BID: variants seen among roughly 807,000 people sequenced by gnomAD.
BID encodes the protein BH3 interacting domain death agonist, also known as BH3-interacting domain death agonist.
In BID, 19 loss-of-function variants were observed where a neutral mutation model predicts 17.4. That is an observed-to-expected ratio of 1.09 (90% CI 0.76 to 1.60). The LOEUF is 1.60. Ranked by LOEUF, BID falls within the 40% of genes most tolerant of loss-of-function variation. The probability of loss-of-function intolerance (pLI) is 0.00; values close to 1 mark genes in which losing one functional copy is unlikely to be tolerated. For synonymous variants in BID, 108 were observed against 102.8 expected, an observed-to-expected ratio of 1.05 and a Z score of -0.31; for missense variants, 226 against 256.0, an observed-to-expected ratio of 0.88 and a Z score of 0.80.
At chr22:17,763,824 G>A (rs974157721) in intron 1 of BID, among the ~76,000 whole-genome samples, 1 of 150,872 alleles carries the variant, frequency 6.6e-6, no homozygotes, top group Non-Finnish European at 1.5e-5. Flanking sequence ...TCAGATGTCA[G>A]TTATGGAAAC....
chr22:17,772,538 C>T (rs1261926821), intron 1 of BID, among the ~76,000 whole-genome samples: 1 of 152,216 alleles, frequency 6.6e-6, no homozygotes, highest in Non-Finnish European at 1.5e-5. Flanking sequence ...TCCTCGGTCA[C>T]GTCGAGGACC....
intron 1 of BID, among the ~76,000 whole-genome samples, chr22:17,751,912 G>A (rs1217311311): frequency 6.6e-6 from 1 of 152,186 alleles, no homozygotes; most frequent in Non-Finnish European, 1.5e-5. Context: ...GCGCAAGACA[G>A]ACCCCACCCC....
intron 1 of BID, among the ~76,000 whole-genome samples, chr22:17,757,645 C>G (rs1361052693): frequency 6.7e-6 from 1 of 148,388 alleles, no homozygotes; most frequent in African/African-American, 2.5e-5. Context: ...GGAGGCGGAG[C>G]TTGCAGTGAG....
intron 1 of BID, among the ~76,000 whole-genome samples, chr22:17,760,398 G>T (rs1002989071): frequency 1.7e-4 from 24 of 145,078 alleles, no homozygotes; most frequent in Non-Finnish European, 3.4e-4. Context: ...GTTGCAGTGA[G>T]GTGAGATCGC....
intron 3 of BID, chr22:17,740,128 G>C: frequency 6.2e-7 from 1 of 1,612,080 alleles, no homozygotes; most frequent in Non-Finnish European, 8.5e-7. Flanking sequence ...CACGCTCCCT[G>C]CCGCCTCCGT....
In BID at chr22:17,773,476, G is replaced by A; in HGVS notation, c.-59+905C>T. On this transcript the variant is annotated intron_variant, in intron 1 of 5. Coordinates refer to ENST00000622694, the MANE Select transcript of BID (RefSeq NM_001196.4). The surrounding 1 kb of genome is among the most constrained non-coding windows in gnomAD (Gnocchi z 4.4). ...AGCGAGGACTGAGGGTGTGGATAAG[G>A]CTCCAGGAAGGGGGTGCAAGCCTGA... is the stretch of plus-strand genomic sequence containing the variant. The A allele has an allele frequency of 1.1e-6, 1 of 893,474 alleles. No individual in the cohort carries two copies. The highest frequency in any genetic ancestry group is 2.0e-5 in the Admixed American group (1 of 49,326). The allele number at this position is 893,474 out of a possible 1,614,324, so 55.3% of individuals were successfully genotyped here.
chr22:17,751,034 G>GAA (rs745435533), intron 1 of BID, among the ~76,000 whole-genome samples: 2 of 142,320 alleles, frequency 1.4e-5, no homozygotes, highest in African/African-American at 5.1e-5. Flanking sequence ...ACCCTGTCTC[G>GAA]AAAAAAAAAA....
At position 17,759,246 on chromosome 22, in the gene BID, C is replaced by CAA. The variant is rs61124020; in HGVS notation, c.-58-9074_-58-9073dup. 2.8e-3 allele frequency among the ~76,000 whole-genome samples: 324 copies of CAA among 114,770 alleles called. 3 individuals are homozygous for CAA. Among genetic ancestry groups the CAA allele is most frequent in the East Asian group, 6.8e-3 (31 of 4,534 alleles). 75.3% of individuals were successfully genotyped at this position (114,770 alleles called of 152,430 possible). On this transcript the variant is annotated intron_variant, in intron 1 of 5. Transcript: ENST00000622694. ...CTCCGTCTCAAAACAAAAAACAAAA[C>CAA]AAAAAAAAAAAAACAAAAGAACCAG...
intron 1 of BID, among the ~76,000 whole-genome samples, chr22:17,753,123 C>T (rs951709660): frequency 7.3e-5 from 11 of 150,692 alleles, no homozygotes; most frequent in Non-Finnish European, 1.5e-4. Context: ...CCCACCACCA[C>T]GCCTGGCTAA....
chr22:17,756,465 T>G (rs28603073), intron 1 of BID, among the ~76,000 whole-genome samples: 1 of 102,266 alleles, frequency 9.8e-6, no homozygotes, highest in Non-Finnish European at 2.3e-5. Context: ...CTTTCTTTCT[T>G]TCTTTCTTTC....
intron 1 of BID, among the ~76,000 whole-genome samples, chr22:17,755,262 C>T (rs1188630788): frequency 5.3e-5 from 8 of 151,992 alleles, no homozygotes; most frequent in African/African-American, 1.2e-4. Flanking sequence ...TTAGGAACAT[C>T]GTGCTGCTCT....
In BID at chr22:17,774,458, C is replaced by G. The variant is rs755026697; in HGVS notation, c.-136G>C. On this transcript the variant is annotated 5_prime_UTR_variant, in exon 1 of 6. Transcript: ENST00000622694. ...AGGCGCGCGGACACGGTCGACTACC[C>G]GCTTCCTCCTTATGGCGCCCCGCGC... is the stretch of plus-strand genomic sequence containing the variant. The G allele has an allele frequency of 1.4e-5, 4 of 295,184 alleles. No individual in the cohort carries two copies. The highest frequency in any genetic ancestry group is 2.9e-5 in the Non-Finnish European group (4 of 139,164). 18.3% of individuals were successfully genotyped at this position (295,184 alleles called of 1,614,324 possible).
chr22:17,759,704 T>C (rs929472624), intron 1 of BID, among the ~76,000 whole-genome samples: 4 of 152,014 alleles, frequency 2.6e-5, no homozygotes, highest in Non-Finnish European at 5.9e-5. Context: ...AAAATTATTA[T>C]TATTATTAAA....
intron 2 of BID, among the ~76,000 whole-genome samples, chr22:17,746,753 G>T (rs1241086335): frequency 1.3e-5 from 2 of 152,200 alleles, no homozygotes; most frequent in Non-Finnish European, 2.9e-5. Context: ...GACACACAGA[G>T]AGGACGCCAT....
At chr22:17,742,491 C>G (rs891455498) in intron 3 of BID, among the ~76,000 whole-genome samples, 1 of 141,698 alleles carries the variant, frequency 7.1e-6, no homozygotes, top group African/African-American at 2.6e-5. Flanking sequence ...CCCACCCCCA[C>G]CCCCACCCCG....
intron 3 of BID, among the ~76,000 whole-genome samples, chr22:17,743,278 G>A (rs1412936489): frequency 1.3e-5 from 2 of 152,342 alleles, no homozygotes; most frequent in East Asian, 3.9e-4. Flanking sequence ...GGCCTGCTTG[G>A]GGAGGCAGGG....
chr22:17,737,265 G>A (rs2061426769), intron 5 of BID, among the ~76,000 whole-genome samples: 1 of 152,172 alleles, frequency 6.6e-6, no homozygotes, highest in Non-Finnish European at 1.5e-5. Context: ...ACTGTGACTT[G>A]TAATACCTGG....
intron 3 of BID, among the ~76,000 whole-genome samples, chr22:17,741,875 G>A (rs1227480411): frequency 6.6e-6 from 1 of 152,142 alleles, no homozygotes; most frequent in African/African-American, 2.4e-5. Flanking sequence ...CCAAGGCCCA[G>A]CTCAATTGGA....
chr22:17,767,319 A>C (rs2061686291), intron 1 of BID, among the ~76,000 whole-genome samples: 2 of 152,170 alleles, frequency 1.3e-5, no homozygotes, highest in South Asian at 4.1e-4. Flanking sequence ...TACATAAGCT[A>C]ATCACGAACC....
Sources: gnomAD v4.1 joint callset for allele counts (sites outside exome capture counted in the v4.1 genomes callset) on GRCh38, gnomAD v4.1.1 for gene constraint, Gnocchi (gnomAD v3.1) non-coding constraint, MANE v1.5 for transcripts, NCBI Gene and HGNC (gene_info 2026-07-23, HGNC 2026-07-21) for gene names.